PHKA2: variants seen among roughly 807,000 people sequenced by gnomAD.
PHKA2 encodes phosphorylase b kinase regulatory subunit alpha, liver isoform.
Under a neutral mutation model 102.0 loss-of-function variants are expected in PHKA2, and 31 were observed. That is an observed-to-expected ratio of 0.30 (90% CI 0.23 to 0.41). The LOEUF is 0.41. Ranked by LOEUF, PHKA2 falls within the 10% of genes least tolerant of loss-of-function variation. The pLI is 1.00. For synonymous variants in PHKA2, 455 were observed against 416.2 expected (o/e 1.09, Z -1.13); for missense variants, 858 against 1,023.1 (o/e 0.84, Z 2.20).
At chrX:18,897,070 G>A (rs1410516103) in intron 30 of PHKA2, 93 bp downstream of exon 30, 4 of 1,003,181 alleles carry the variant, frequency 4.0e-6, no homozygotes, top group Non-Finnish European at 5.6e-6. Context: ...CCATCCTCAG[G>A]GCTGTGTGTT....
chrX:18,908,019 C>T lies in PHKA2; in HGVS notation c.2398G>A (p.Gly800Arg), dbSNP rs777119197. The T allele has an allele frequency of 7.4e-5, 89 of 1,209,500 alleles. No individual in the cohort carries two copies. The highest frequency in any genetic ancestry group is 1.5e-4 in the East Asian group (5 of 33,743). Residue 800 changes from glycine (G) to arginine (R), a missense_variant, in exon 22 of 33, where the codon GGG (glycine) becomes AGG (arginine). Coordinates refer to ENST00000379942, the MANE Select transcript of PHKA2 (RefSeq NM_000292.3). ...CCAAGAAGGTTTTGAACGGTGACCCCGTGCTGTCCAGAGAGATTTGTGTCC... is the reference window on the plus strand; with the variant it reads ...CCAAGAAGGTTTTGAACGGTGACCCTGTGCTGTCCAGAGAGATTTGTGTCC... ...SWDTNLSGQH[G>R]VTVQNLLGEL...
chrX:18,906,544 C>T lies in PHKA2; in HGVS notation c.2757G>A (p.Leu919=). 8.3e-7 allele frequency: 1 copy of T among 1,210,868 alleles called. No individual in the cohort carries two copies. The change falls in exon 25 of 33, where the codon CTG becomes CTA. Residue 919 remains leucine, a synonymous_variant. Coordinates refer to ENST00000379942, the MANE Select transcript of PHKA2 (RefSeq NM_000292.3). ...GCTCCGTGGCCATCACCTGAATGATCAGTCCAATCCGGAGTCTCAGCATCT... is the reference window on the plus strand; with the variant it reads ...GCTCCGTGGCCATCACCTGAATGATTAGTCCAATCCGGAGTCTCAGCATCT... ...FVEMLRLRIG[L]IIQVMATELA... is the part of the protein sequence containing the mutation.
At chrX:18,893,920 AACTTG>A (rs2047479628) in intron 32 of PHKA2, among the ~76,000 whole-genome samples, 1 of 112,192 alleles carries the variant, frequency 8.9e-6, no homozygotes, top group Non-Finnish European at 1.9e-5. Context: ...TACTCTGTTG[AACTTG>A]ACTTTGTGTA....
rs368594655 is a variant in PHKA2, at chrX:18,924,477, C to T, written c.1618G>A (p.Val540Met). Reference protein sequence around the residue: ...FYLALDNEMIVEMLRIELAYL... With the variant: ...FYLALDNEMIMEMLRIELAYL... ...GCCAGCTCGATCCTTAGCATCTCCA[C>T]GATCATCTCATTGTCGAGGGCCAGG... Residue 540 changes from valine to methionine, a missense_variant, in exon 16 of 33, where the codon GTG (valine) becomes ATG (methionine). Val to Met is a conservative substitution (Grantham distance 21). Coordinates refer to ENST00000379942, the MANE Select transcript of PHKA2 (RefSeq NM_000292.3). The T allele has an allele frequency of 9.9e-6, 12 of 1,208,313 alleles. No individual in the cohort carries two copies. The highest frequency in any genetic ancestry group is 5.3e-5 in the African/African-American group (3 of 57,039).
intron 19 of PHKA2, among the ~76,000 whole-genome samples, chrX:18,914,677 C>G (rs1264109911): frequency 2.7e-5 from 3 of 111,868 alleles, no homozygotes; most frequent in South Asian, 3.7e-4. Flanking sequence ...GGAAGGGGCT[C>G]GAAGAGAGAG....
chrX:18,897,620 G>C (rs979629256), intron 29 of PHKA2: 4 of 354,010 alleles, frequency 1.1e-5, no homozygotes, highest in Non-Finnish European at 2.0e-5. Flanking sequence ...GGGCGAGCAC[G>C]GGCTTGGGGG....
Position 18,945,078 on chromosome X carries a change from C to T in PHKA2, c.618G>A (p.Lys206=). 8.6e-7 allele frequency: 1 copy of T among 1,168,855 alleles called. No individual in the cohort carries two copies. The highest frequency in any genetic ancestry group is 1.2e-6 in the Non-Finnish European group (1 of 856,251). The change falls in exon 6 of 33, where the codon AAG becomes AAA. Residue 206 remains lysine (K), a splice_region_variant and synonymous_variant. Transcript: ENST00000379942. Reference sequence around the variant, plus strand: ...GAAGAACAAACAGGACAACTGTCACCTTGGCCATTCCTACGGAGCTTGCAT... The same window carrying T: ...GAAGAACAAACAGGACAACTGTCACTTTGGCCATTCCTACGGAGCTTGCAT... ...ELNASSVGMA[K]AALEAIDELD...
chrX:18,947,778 TAAA>T (rs1463005480), intron 5 of PHKA2, among the ~76,000 whole-genome samples: 19 of 111,982 alleles, frequency 1.7e-4, no homozygotes, highest in Non-Finnish European at 3.6e-4. Context: ...AACGAGTAGA[TAAA>T]GAAGCTGTGG....
chrX:18,976,287 C>T (rs934971818), intron 1 of PHKA2, among the ~76,000 whole-genome samples: 1 of 112,052 alleles, frequency 8.9e-6, no homozygotes, highest in African/African-American at 3.2e-5. Flanking sequence ...AATTCTTTAA[C>T]TTCCAAGATA....
rs760342312 is a variant in PHKA2, at chrX:18,950,044, A to G, written c.454+1060T>C. On this transcript the variant is annotated intron_variant, in intron 4 of 32. Transcript: ENST00000379942. ...TAACCTGGGGGAGCATCTGTGGCAC[A>G]TGCCATTGTGAGAGAGAGACCACCT... Among the ~76,000 whole-genome samples, 64 of 111,881 alleles carry G rather than the reference A, an allele frequency of 5.7e-4. 1 individual carries two copies. Among genetic ancestry groups the G allele is most frequent in the African/African-American group, 1.7e-3 (53 of 30,733 alleles).
chrX:18,947,344 G>T (rs1283978928), intron 5 of PHKA2, among the ~76,000 whole-genome samples: 1 of 112,075 alleles, frequency 8.9e-6, no homozygotes, highest in Admixed American at 9.4e-5. Flanking sequence ...TACACACTGG[G>T]GTTGTTGTGT....
At chrX:18,900,133 G>A (rs955395070) in intron 28 of PHKA2, among the ~76,000 whole-genome samples, 1 of 111,416 alleles carries the variant, frequency 9.0e-6, no homozygotes, top group Non-Finnish European at 1.9e-5. Flanking sequence ...ATGTGGAATC[G>A]GCCTTTACAT....
chrX:18,961,814 A>G (rs1408040444), intron 1 of PHKA2, among the ~76,000 whole-genome samples: 2 of 110,446 alleles, frequency 1.8e-5, no homozygotes, highest in Non-Finnish European at 3.8e-5. Context: ...TTGCTTTAAA[A>G]GTAGAAAAGT....
intron 1 of PHKA2, among the ~76,000 whole-genome samples, chrX:18,982,726 C>T (rs993198125): frequency 4.2e-4 from 47 of 111,564 alleles, no homozygotes; most frequent in Non-Finnish European, 7.2e-4. Flanking sequence ...CCCAGCTACT[C>T]GGGAGGCTGA....
intron 1 of PHKA2, among the ~76,000 whole-genome samples, chrX:18,966,450 C>T (rs973568750): frequency 6.3e-5 from 7 of 111,346 alleles, no homozygotes; most frequent in African/African-American, 2.3e-4. Context: ...CTTTTTGATC[C>T]CTGCAAAGCT....
chrX:18,947,358 G>T (rs1034014524), intron 5 of PHKA2, among the ~76,000 whole-genome samples: 1 of 112,219 alleles, frequency 8.9e-6, no homozygotes, highest in African/African-American at 3.2e-5. Flanking sequence ...GTTGTGTAAA[G>T]GTGCCTCAGG....
At position 18,951,159 on chromosome X, in the gene PHKA2, G is replaced by C; in HGVS notation, c.399C>G (p.Leu133=). ...TVVGDDQWGH[L]QVDATSLFLL... ...GGAAGAGAGAGGTGGCATCCACCTG[G>C]AGGTGGCCCCACTGGTCGTCGCCCA... Residue 133 remains leucine, a synonymous_variant, in exon 4 of 33, where the codon CTC becomes CTG. Coordinates refer to ENST00000379942, the MANE Select transcript of PHKA2 (RefSeq NM_000292.3). The C allele has an allele frequency of 8.3e-7, 1 of 1,211,570 alleles. No homozygotes were observed. Among genetic ancestry groups the C allele is most frequent in the Non-Finnish European group, 1.1e-6 (1 of 895,110 alleles).
intron 17 of PHKA2, among the ~76,000 whole-genome samples, chrX:18,920,709 C>A (rs778451437): frequency 1.3e-3 from 149 of 111,672 alleles, no homozygotes; most frequent in South Asian, 3.4e-3. Flanking sequence ...GGAAGCCATC[C>A]CCAGACTGGA....
chrX:18,982,224 A>G (rs948334993), intron 1 of PHKA2, among the ~76,000 whole-genome samples: 3 of 111,711 alleles, frequency 2.7e-5, no homozygotes, highest in African/African-American at 9.8e-5. Flanking sequence ...CTCTCAAAAT[A>G]AAGACCATCA....
Sources: allele counts gnomAD v4.1 joint callset (sites outside exome capture counted in the v4.1 genomes callset), GRCh38; gene constraint gnomAD v4.1.1; transcripts MANE v1.5; gene names NCBI Gene and HGNC (gene_info 2026-07-23, HGNC 2026-07-21).